ITPR1: variants seen among roughly 807,000 people sequenced by gnomAD.
The protein encoded by ITPR1 is inositol 1,4,5-trisphosphate-gated calcium channel ITPR1.
Under a neutral mutation model 318.4 loss-of-function variants are expected in ITPR1, and 96 were observed. That is an observed-to-expected ratio of 0.30 (90% CI 0.26 to 0.36). ITPR1 has a LOEUF of 0.36. Among genes scored for constraint, ITPR1 ranks in the 10% least tolerant of loss-of-function variants. The pLI is 1.00. For synonymous variants in ITPR1, 1,312 were observed against 1,289.9 expected, an observed-to-expected ratio of 1.02 and a Z score of -0.37; for missense variants, 2,440 against 3,460.2, an observed-to-expected ratio of 0.71 and a Z score of 7.40.
chr3:4,685,300 A>T (rs2094373755), intron 30 of ITPR1, 94 bp downstream of exon 30: 1 of 1,265,794 alleles, frequency 7.9e-7, no homozygotes, highest in African/African-American at 1.5e-5. Flanking sequence ...GTTAGTGAAG[A>T]AATGCATCCA....
intron 4 of ITPR1, among the ~76,000 whole-genome samples, chr3:4,613,471 T>A (rs1167780000): frequency 6.6e-6 from 1 of 152,156 alleles, no homozygotes; most frequent in African/African-American, 2.4e-5. Context: ...TGGGGGGAAC[T>A]TCCCTCTGTT....
intron 54 of ITPR1, 66 bp from the exon 55 acceptor site, chr3:4,806,037 C>A: frequency 7.4e-7 from 1 of 1,345,234 alleles, no homozygotes; most frequent in Non-Finnish European, 1.0e-6. Context: ...GTGAGATGCT[C>A]TCGTTGCTCT....
chr3:4,546,480 G>T (rs2085014706), intron 4 of ITPR1, among the ~76,000 whole-genome samples: 1 of 152,188 alleles, frequency 6.6e-6, no homozygotes, highest in Non-Finnish European at 1.5e-5. Flanking sequence ...AAGAGTTCCT[G>T]AATCTTTCCT....
chr3:4,544,625 A>G (rs2084787825), intron 4 of ITPR1, among the ~76,000 whole-genome samples: 2 of 152,182 alleles, frequency 1.3e-5, no homozygotes. Context: ...TTTTATACAC[A>G]TGACCAAGTT....
At position 4,814,601 on chromosome 3, in the gene ITPR1, G is replaced by T. The variant is rs76604555; in HGVS notation, c.7701+39G>T. 40 of 1,219,422 alleles carry T rather than the reference G, an allele frequency of 3.3e-5. 1 individual carries two copies. The highest frequency in any genetic ancestry group is 4.0e-5 in the Non-Finnish European group (34 of 853,604). The allele number at this position is 1,219,422 out of a possible 1,614,324, so 75.5% of individuals were successfully genotyped here. Reference sequence around the variant, plus strand: ...GAGGGGAAGGAAGGGCAAAGGGGGCGGGTGGGGTGGTTGGTGGGAGCACCA... The same window carrying T: ...GAGGGGAAGGAAGGGCAAAGGGGGCTGGTGGGGTGGTTGGTGGGAGCACCA... On this transcript the variant is annotated intron_variant, in intron 58 of 61. Transcript: ENST00000649015.
chr3:4,684,369 T>C (rs533312112), intron 29 of ITPR1, 23 bp downstream of exon 29: 5 of 1,560,896 alleles, frequency 3.2e-6, no homozygotes, highest in East Asian at 2.2e-5. Context: ...CCCACCACCA[T>C]TTTTCCTTTC....
At chr3:4,730,815 A>G (rs2042878297) in intron 42 of ITPR1, among the ~76,000 whole-genome samples, 1 of 152,214 alleles carries the variant, frequency 6.6e-6, no homozygotes, top group Admixed American at 6.5e-5. Flanking sequence ...TTGACTGGTC[A>G]CAACCATACT....
intron 4 of ITPR1, among the ~76,000 whole-genome samples, chr3:4,545,459 C>T (rs1418015291): frequency 2.6e-5 from 4 of 151,884 alleles, no homozygotes; most frequent in African/African-American, 4.8e-5. Context: ...TCCGTCTCTA[C>T]AGAAAATAGA....
rs577121181 is a variant in ITPR1 at position 4,660,972 on chromosome 3, C to T, written c.1152-16C>T. On this transcript the variant is annotated splice_polypyrimidine_tract_variant and intron_variant, in intron 13 of 61. Transcript: ENST00000649015. ...CAATATTTATTTCCCTAAAACCCTC[C>T]TTTTTTCCCTGTTAGGAACTCTTAT... The T allele has an allele frequency of 1.4e-5, 20 of 1,422,756 alleles. No individual in the cohort carries two copies. The highest frequency in any genetic ancestry group is 4.3e-5 in the African/African-American group (3 of 70,294). The allele number at this position is 1,422,756 out of a possible 1,614,324, so 88.1% of individuals were successfully genotyped here. A position where few individuals can be genotyped will look rare whatever the true frequency, so the allele number is the denominator to read the frequency against.
rs537353472 is a variant in ITPR1, at chr3:4,734,143, T to G, written c.5353+923T>G. Among the ~76,000 whole-genome samples the G allele has an allele frequency of 2.7e-4, 41 of 152,320 alleles. 1 individual carries two copies. In the South Asian group the frequency reaches 8.3e-3, roughly 31 times the overall value. On this transcript the variant is annotated intron_variant, in intron 43 of 61. Coordinates refer to ENST00000649015, the MANE Select transcript of ITPR1 (RefSeq NM_001378452.1). ...GTTCATGGAGCTATGCTGGCTTCAGTGAAGATGCAGTTCTCAAGGCATCCT... is the reference window on the plus strand; with the variant it reads ...GTTCATGGAGCTATGCTGGCTTCAGGGAAGATGCAGTTCTCAAGGCATCCT...
At chr3:4,689,191 C>T (rs4685800) in intron 31 of ITPR1, among the ~76,000 whole-genome samples, 64,983 of 151,640 alleles carry the variant, frequency 0.43, 15,259 homozygotes, top group Non-Finnish European at 0.55. Flanking sequence ...TTCTGATGGC[C>T]AAATGACATT....
At chr3:4,589,026 G>A (rs1327993869) in intron 4 of ITPR1, among the ~76,000 whole-genome samples, 1 of 152,096 alleles carries the variant, frequency 6.6e-6, no homozygotes, top group East Asian at 1.9e-4. Flanking sequence ...GCACTTCATA[G>A]CAAGAAATTT....
intron 44 of ITPR1, among the ~76,000 whole-genome samples, chr3:4,748,300 C>T (rs187110321): frequency 1.3e-5 from 2 of 152,190 alleles, no homozygotes; most frequent in Non-Finnish European, 2.9e-5. Context: ...GGAGCTCTGC[C>T]TACTAGAGAG....
rs1478591752 is a variant in ITPR1 at position 4,681,365 on chromosome 3, T to C, written c.3108T>C (p.Gly1036=). The change falls in exon 26 of 62, where the codon GGT becomes GGC. Residue 1036 remains glycine, a splice_region_variant and synonymous_variant. Coordinates refer to ENST00000649015, the MANE Select transcript of ITPR1 (RefSeq NM_001378452.1). ...SSQEGPSNVP[G]ALDFEHIEEQ... is the part of the protein sequence containing the mutation. Reference sequence around the variant, plus strand: ...AAGTGGTATGTTCTAACTTTTCAGGTGCTCTTGACTTTGAACACATTGAAG... The same window carrying C: ...AAGTGGTATGTTCTAACTTTTCAGGCGCTCTTGACTTTGAACACATTGAAG... 2 of 1,611,174 alleles carry C rather than the reference T, an allele frequency of 1.2e-6. No individual in the cohort carries two copies. Among genetic ancestry groups the C allele is most frequent in the Middle Eastern group, 1.7e-4 (1 of 6,060 alleles).
intron 60 of ITPR1, among the ~76,000 whole-genome samples, chr3:4,831,930 C>T (rs955313362): frequency 1.3e-5 from 2 of 152,172 alleles, no homozygotes; most frequent in African/African-American, 4.8e-5. Context: ...AGAGGGGGAC[C>T]CTGTTGGTGG....
At chr3:4,764,311 T>C (rs995169207) in intron 44 of ITPR1, among the ~76,000 whole-genome samples, 3 of 152,196 alleles carry the variant, frequency 2.0e-5, no homozygotes, top group Non-Finnish European at 4.4e-5. Context: ...GTCCACCAAA[T>C]ATAAAAAGGA....
At chr3:4,800,698 A>C in intron 54 of ITPR1, 98 bp downstream of exon 54, 1 of 1,264,160 alleles carries the variant, frequency 7.9e-7, no homozygotes, top group Non-Finnish European at 1.1e-6. Context: ...CTTTCAGTCC[A>C]GAAAATTATT....
intron 2 of ITPR1, among the ~76,000 whole-genome samples, chr3:4,494,821 C>T (rs753137832): frequency 1.2e-4 from 18 of 152,232 alleles, no homozygotes; most frequent in Non-Finnish European, 2.5e-4. Flanking sequence ...GATTTAAATT[C>T]TGAAGGATAC....
In ITPR1 at chr3:4,788,021, G is replaced by A. The variant is rs2047315382; in HGVS notation, c.6690G>A (p.Glu2230=). The A allele has an allele frequency of 2.5e-6, 4 of 1,612,834 alleles. No homozygotes were observed. The highest frequency in any genetic ancestry group is 1.1e-5 in the South Asian group (1 of 90,722). The stretch of plus-strand genomic sequence containing the variant: ...GCATATGTGAATTCCTAACCAAGGA[G>A]TCAAAACTACGAATTTACTATACTA... ...VPSICEFLTK[E]SKLRIYYTTE... is the part of the protein sequence containing the mutation. Residue 2230 remains glutamate (E), a synonymous_variant, in exon 52 of 62, where the codon GAG becomes GAA. Coordinates refer to ENST00000649015, the MANE Select transcript of ITPR1 (RefSeq NM_001378452.1).
Sources: allele counts gnomAD v4.1 joint callset (sites outside exome capture counted in the v4.1 genomes callset), GRCh38; gene constraint gnomAD v4.1.1; transcripts MANE v1.5; gene names NCBI Gene and HGNC (gene_info 2026-07-23, HGNC 2026-07-21).